NRXN1: variants seen among roughly 807,000 people sequenced by gnomAD.
The protein encoded by NRXN1 is neurexin-1.
Under a neutral mutation model 150.9 loss-of-function variants are expected in NRXN1, and 39 were observed. That is an observed-to-expected ratio of 0.26 (90% CI 0.20 to 0.34). The LOEUF (loss-of-function observed/expected upper bound fraction) is 0.34, where lower values mean the gene tolerates loss of function less well. Ranked by LOEUF, NRXN1 falls within the 10% of genes least tolerant of loss-of-function variation. The pLI, the probability that NRXN1 is intolerant of heterozygous loss-of-function variation, is 1.00. For synonymous variants in NRXN1, 924 were observed against 757.0 expected, an observed-to-expected ratio of 1.22 and a Z score of -3.62; for missense variants, 1,815 against 1,949.9, an observed-to-expected ratio of 0.93 and a Z score of 1.30.
At chr2:51,003,892 A>G (rs1326458107) in intron 2 of NRXN1, among the ~76,000 whole-genome samples, 1 of 151,916 alleles carries the variant, frequency 6.6e-6, no homozygotes, top group African/African-American at 2.4e-5. Context: ...ATTATTTTCT[A>G]CTTACCATTT....
intron 5 of NRXN1, among the ~76,000 whole-genome samples, chr2:50,665,861 T>G (rs1518542): frequency 0.53 from 81,100 of 151,702 alleles, 21,980 homozygotes; most frequent in East Asian, 0.83. Flanking sequence ...ATTAAGTGTG[T>G]GTACCTCCCA....
intron 19 of NRXN1, among the ~76,000 whole-genome samples, chr2:50,065,715 A>G (rs1033720162): frequency 6.6e-6 from 1 of 152,064 alleles, no homozygotes; most frequent in African/African-American, 2.4e-5. Flanking sequence ...TAGCTACTGG[A>G]GGCATAAAAT....
Position 50,620,074 on chromosome 2 carries a change from G to T in NRXN1, c.1268C>A (p.Ala423Asp), listed in dbSNP as rs2104240730. 1 of 1,612,358 alleles carries T rather than the reference G, an allele frequency of 6.2e-7. No individual in the cohort carries two copies. The highest frequency in any genetic ancestry group is 8.5e-7 in the Non-Finnish European group (1 of 1,179,054). Residue 423 changes from alanine (A) to aspartate (D), a missense_variant, in exon 8 of 23, where the codon GCC becomes GAC. This residue lies in a region of NRXN1 where 638 missense variants were observed against 652.6 expected (regional missense o/e 0.98). Coordinates refer to ENST00000401669, the MANE Select transcript of NRXN1 (RefSeq NM_001330078.2). ...ACTGACTGGTGACCCTGGAAGGTCG[G>T]CTGTGCTGGGACTGCCTCCAACATA... ...FFYVGGSPST[A>D]DLPGSPVSNN...
Position 50,347,362 on chromosome 2 carries a change from C to A in NRXN1, c.3365-110392G>T, listed in dbSNP as rs2078094964. On this transcript the variant is annotated intron_variant, in intron 17 of 22. Coordinates refer to ENST00000401669, the MANE Select transcript of NRXN1 (RefSeq NM_001330078.2). This position sits in a 1 kb window ranked among gnomAD's most constrained non-coding sequence, Gnocchi z 4.9. ...TCCTCCTGGAAGGTCCTCACTTCTACATGACAGACATCCACCGCGAATCCA... is the reference window on the plus strand; with the variant it reads ...TCCTCCTGGAAGGTCCTCACTTCTAAATGACAGACATCCACCGCGAATCCA... 8.3e-7 allele frequency: 1 copy of A among 1,204,800 alleles called. No individual in the cohort carries two copies. Among genetic ancestry groups the A allele is most frequent in the Non-Finnish European group, 1.1e-6 (1 of 949,056 alleles). 74.6% of individuals were successfully genotyped at this position (1,204,800 alleles called of 1,614,324 possible). A position where few individuals can be genotyped will look rare whatever the true frequency, so the allele number is the denominator to read the frequency against.
At chr2:50,546,099 C>T (rs964082592) in intron 9 of NRXN1, among the ~76,000 whole-genome samples, 2 of 152,094 alleles carry the variant, frequency 1.3e-5, no homozygotes, top group South Asian at 2.1e-4. Context: ...CATAACTGGT[C>T]TATTTTCTCC....
intron 5 of NRXN1, among the ~76,000 whole-genome samples, chr2:50,779,506 C>G (rs1040027979): frequency 5.3e-5 from 8 of 152,058 alleles, no homozygotes; most frequent in African/African-American, 1.9e-4. Context: ...TGGTGGCTCA[C>G]GCCTGTAATC....
At chr2:50,519,906 T>C (rs181589022) in intron 12 of NRXN1, among the ~76,000 whole-genome samples, 20 of 152,036 alleles carry the variant, frequency 1.3e-4, no homozygotes, top group African/African-American at 3.6e-4. Flanking sequence ...TATATAACCT[T>C]GGCATAAAAT....
chr2:50,309,189 G>A (rs920443996), intron 17 of NRXN1, among the ~76,000 whole-genome samples: 11 of 152,042 alleles, frequency 7.2e-5, no homozygotes, highest in Admixed American at 2.6e-4. Flanking sequence ...TGGTTAGCCC[G>A]GCCTCAGTTA....
chr2:50,700,488 T>A (rs1693578589), intron 5 of NRXN1, among the ~76,000 whole-genome samples: 1 of 152,194 alleles, frequency 6.6e-6, no homozygotes, highest in Admixed American at 6.5e-5. Flanking sequence ...ATCACATGTT[T>A]CCTAGGCATC....
At chr2:50,571,131 C>G (rs1439973689) in intron 8 of NRXN1, among the ~76,000 whole-genome samples, 1 of 152,114 alleles carries the variant, frequency 6.6e-6, no homozygotes, top group Non-Finnish European at 1.5e-5. Context: ...GCCCAAGGAT[C>G]TGTTTCTTGG....
intron 17 of NRXN1, among the ~76,000 whole-genome samples, chr2:50,429,243 G>C (rs948241771): frequency 6.6e-6 from 1 of 150,468 alleles, no homozygotes; most frequent in South Asian, 2.1e-4. Flanking sequence ...TCTTTTTTTA[G>C]GAAAAAAAAA....
chr2:50,131,686 T>C (rs927204002), intron 18 of NRXN1, among the ~76,000 whole-genome samples: 3 of 152,202 alleles, frequency 2.0e-5, no homozygotes, highest in Non-Finnish European at 4.4e-5. Context: ...ATTTTGCTGA[T>C]GGGTAAACGG....
chr2:51,014,082 T>C (rs1173954239), intron 2 of NRXN1, among the ~76,000 whole-genome samples: 3 of 151,754 alleles, frequency 2.0e-5, no homozygotes, highest in Non-Finnish European at 4.4e-5. Context: ...CAAGGCATGA[T>C]GGGAAATTAG....
chr2:50,302,889 A>G (rs1301625218), intron 17 of NRXN1, among the ~76,000 whole-genome samples: 1 of 150,044 alleles, frequency 6.7e-6, no homozygotes, highest in African/African-American at 2.5e-5. Context: ...ATCTGCATTC[A>G]TTTATTTGCC....
intron 5 of NRXN1, among the ~76,000 whole-genome samples, chr2:50,712,840 G>A (rs1695353541): frequency 6.6e-6 from 1 of 152,108 alleles, no homozygotes; most frequent in African/African-American, 2.4e-5. Context: ...AGAGGATCTG[G>A]CTGAAATGCC....
chr2:50,613,830 C>T (rs545082015), intron 8 of NRXN1, among the ~76,000 whole-genome samples: 10 of 152,086 alleles, frequency 6.6e-5, no homozygotes, highest in African/African-American at 1.7e-4. Flanking sequence ...CCCAGCTACT[C>T]GGGAGGCTGA....
intron 5 of NRXN1, among the ~76,000 whole-genome samples, chr2:50,642,391 T>G (rs1684200717): frequency 6.6e-6 from 1 of 152,010 alleles, no homozygotes; most frequent in South Asian, 2.1e-4. Flanking sequence ...ACATTTAAAA[T>G]TTAGGAGATT....
At chr2:50,504,063 C>T (rs904450752) in intron 13 of NRXN1, among the ~76,000 whole-genome samples, 5 of 136,096 alleles carry the variant, frequency 3.7e-5, no homozygotes, top group African/African-American at 1.4e-4. Context: ...TATACTTCAA[C>T]AATGTTAATG....
intron 22 of NRXN1, among the ~76,000 whole-genome samples, chr2:49,941,193 G>C (rs554899450): frequency 6.6e-6 from 1 of 151,788 alleles, no homozygotes; most frequent in Non-Finnish European, 1.5e-5. Flanking sequence ...AAACAAATAC[G>C]TAAACATGAT....
Sources: gnomAD v4.1 joint callset for allele counts (sites outside exome capture counted in the v4.1 genomes callset) on GRCh38, gnomAD v4.1.1 for gene constraint, gnomAD v4.1.1 regional missense constraint, Gnocchi (gnomAD v3.1) non-coding constraint, MANE v1.5 for transcripts, NCBI Gene and HGNC (gene_info 2026-07-23, HGNC 2026-07-21) for gene names.